SYTL4: variants seen among roughly 807,000 people sequenced by gnomAD.
The protein encoded by SYTL4 is synaptotagmin-like protein 4.
A neutral mutation model predicts 52.7 loss-of-function variants in SYTL4; 16 were observed. The observed-to-expected ratio is 0.30, with a 90% CI of 0.21 to 0.46. The LOEUF is 0.46. SYTL4 is among the 20% of genes least tolerant of loss of function. SYTL4 has a pLI of 1.00. For missense variants in SYTL4, 423 were observed against 519.9 expected (o/e 0.81, Z 1.81); for synonymous variants, 160 against 186.6 (o/e 0.86, Z 1.16).
At chrX:100,695,129 A>G (rs761989107) in intron 8 of SYTL4, among the ~76,000 whole-genome samples, 1 of 107,731 alleles carries the variant, frequency 9.3e-6, no homozygotes, top group South Asian at 4.2e-4. Flanking sequence ...AGATTAATAC[A>G]TACCAATCCA....
At chrX:100,706,041 C>G (rs986140152) in intron 2 of SYTL4, among the ~76,000 whole-genome samples, 2 of 110,910 alleles carry the variant, frequency 1.8e-5, no homozygotes, top group African/African-American at 6.6e-5. Flanking sequence ...CCACTCTCAC[C>G]AGTACCTTCC....
intron 8 of SYTL4, among the ~76,000 whole-genome samples, chrX:100,692,144 C>T (rs1291960477): frequency 9.0e-6 from 1 of 111,635 alleles, no homozygotes; most frequent in Non-Finnish European, 1.9e-5. Context: ...ATGTCAATTC[C>T]TCCAGATCTC....
At chrX:100,683,581 G>A (rs1027139011) in intron 16 of SYTL4, among the ~76,000 whole-genome samples, 12 of 111,579 alleles carry the variant, frequency 1.1e-4, no homozygotes, top group African/African-American at 2.6e-4. Context: ...TCGGGAGGTA[G>A]ATGCAGGCAA....
chrX:100,713,856 CA>C (rs201890670), intron 2 of SYTL4, among the ~76,000 whole-genome samples: 13,721 of 98,599 alleles, frequency 0.14, 1,812 homozygotes, highest in African/African-American at 0.41. Flanking sequence ...ATAAGTCAGG[CA>C]AAAAAAAAAC....
At position 100,676,100 on chromosome X, in the gene SYTL4, C is replaced by T. The variant is rs768580707; in HGVS notation, c.1944G>A (p.Gln648=). The T allele has an allele frequency of 8.3e-6, 10 of 1,211,054 alleles. No individual in the cohort carries two copies. Among genetic ancestry groups the T allele is most frequent in the Non-Finnish European group, 1.1e-5 (10 of 895,285 alleles). The change falls in exon 20 of 20, where the codon CAG becomes CAA. Residue 648 remains glutamine (Q), a synonymous_variant. Coordinates refer to ENST00000372989, the MANE Select transcript of SYTL4 (RefSeq NM_001370165.1). The part of the protein sequence containing the change: ...EEVSLWQKMR[Q]YPGSWAEGTL... ...TCCCTTCTGCCCAAGACCCTGGGTA[C>T]TGTCGCATCTTCTGCCACAGGCTCA...
chrX:100,693,603 C>A (rs2083646653), intron 8 of SYTL4, among the ~76,000 whole-genome samples: 1 of 111,996 alleles, frequency 8.9e-6, no homozygotes, highest in Admixed American at 9.5e-5. Flanking sequence ...TTGGCTTTGA[C>A]TTTCCCTCAA....
Position 100,686,005 on chromosome X carries a change from G to A in SYTL4, c.1434C>T (p.Leu478=). The A allele has an allele frequency of 8.3e-7, 1 of 1,200,542 alleles. No homozygotes were observed. Among genetic ancestry groups the A allele is most frequent in the South Asian group, 1.8e-5 (1 of 54,767 alleles). Residue 478 remains leucine, a synonymous_variant, in exon 16 of 20, where the codon CTC becomes CTT. Coordinates refer to ENST00000372989, the MANE Select transcript of SYTL4 (RefSeq NM_001370165.1). ...AGCAGACTACCTTTCCATGTAAAGG[G>A]AGGCAATGATCCAGTTTCTTATCAA... is the stretch of plus-strand genomic sequence containing the variant. ...WKLDKKLDHC[L]PLHGKISAES...
chrX:100,687,058 A>C lies in SYTL4; in HGVS notation c.1184+9T>G. Reference sequence around the variant, plus strand: ...CTCAGAGCATCAGTCAGGTTCCAGAAGCACTCACGGGTTAGAGCGCTTCTT... The same window carrying C: ...CTCAGAGCATCAGTCAGGTTCCAGACGCACTCACGGGTTAGAGCGCTTCTT... On this transcript the variant is annotated intron_variant, in intron 14 of 19. Coordinates refer to ENST00000372989, the MANE Select transcript of SYTL4 (RefSeq NM_001370165.1). 27 of 1,208,184 alleles carry C rather than the reference A, an allele frequency of 2.2e-5. No homozygotes were observed. Among genetic ancestry groups the C allele is most frequent in the Non-Finnish European group, 3.0e-5 (27 of 893,663 alleles).
At chrX:100,693,495 C>T (rs1236156652) in intron 8 of SYTL4, among the ~76,000 whole-genome samples, 2 of 112,294 alleles carry the variant, frequency 1.8e-5, no homozygotes, top group Non-Finnish European at 3.8e-5. Context: ...GACTCTGATA[C>T]GTTCTCACTG....
In SYTL4 at chrX:100,715,945, CAAAAA is replaced by C. The variant is rs769194042; in HGVS notation, c.-239-11064_-239-11060del. ...AGAATAAGACCTTTTCTCTCTCTCTCAAAAAAAAAAAAAAAAAAAAAAGTGGACTC... is the reference window on the plus strand; with the variant it reads ...AGAATAAGACCTTTTCTCTCTCTCTCAAAAAAAAAAAAAAAAAGTGGACTC... On this transcript the variant is annotated intron_variant, in intron 2 of 19. Coordinates refer to ENST00000372989, the MANE Select transcript of SYTL4 (RefSeq NM_001370165.1). Among the ~76,000 whole-genome samples, 254 of 53,579 alleles carry C rather than the reference CAAAAA, an allele frequency of 4.7e-3. 1 individual carries two copies. Among genetic ancestry groups the C allele is most frequent in the African/African-American group, 0.014 (244 of 17,668 alleles). 46.5% of individuals were successfully genotyped at this position (53,579 alleles called of 115,157 possible).
At chrX:100,712,613 A>T (rs2084097405) in intron 2 of SYTL4, among the ~76,000 whole-genome samples, 1 of 112,810 alleles carries the variant, frequency 8.9e-6, no homozygotes, top group African/African-American at 3.2e-5. Flanking sequence ...AACGTGATCC[A>T]GAACTTGATA....
intron 2 of SYTL4, among the ~76,000 whole-genome samples, chrX:100,721,687 C>T (rs1360568476): frequency 1.8e-5 from 2 of 111,634 alleles, no homozygotes; most frequent in Non-Finnish European, 3.8e-5. Context: ...CAACTAGCCC[C>T]ATTCCTGTTC....
chrX:100,707,449 A>G (rs1338026424), intron 2 of SYTL4, among the ~76,000 whole-genome samples: 1 of 111,604 alleles, frequency 9.0e-6, no homozygotes, highest in Admixed American at 9.6e-5. Context: ...CACTACCATC[A>G]CTACTCCCCA....
chrX:100,686,964 C>T, intron 14 of SYTL4, 103 bp downstream of exon 14: 1 of 988,429 alleles, frequency 1.0e-6, no homozygotes, highest in Non-Finnish European at 1.4e-6. Flanking sequence ...TTACACCTCC[C>T]TGCTCCCCCA....
chrX:100,721,915 C>T (rs1049549308), intron 2 of SYTL4, among the ~76,000 whole-genome samples: 6 of 110,588 alleles, frequency 5.4e-5, no homozygotes, highest in Non-Finnish European at 9.5e-5. Context: ...GATTCTCCTG[C>T]CTCAGCCTCC....
At chrX:100,699,482 C>CATTTTTTTTTTTTTTTTTT (rs1313181387) in intron 8 of SYTL4, among the ~76,000 whole-genome samples, 1 of 59,892 alleles carries the variant, frequency 1.7e-5, no homozygotes, top group African/African-American at 9.7e-5. Flanking sequence ...CAGCATTACT[C>CATTTTTTTTTTTTTTTTTT]TTTTTTTTTT....
At chrX:100,717,255 A>T (rs1158293594) in intron 2 of SYTL4, among the ~76,000 whole-genome samples, 2 of 42,707 alleles carry the variant, frequency 4.7e-5, no homozygotes, top group African/African-American at 8.0e-5. Flanking sequence ...AAATAATCCT[A>T]AAAAAAAAAC....
intron 18 of SYTL4, 46 bp downstream of exon 18, chrX:100,679,267 C>T (rs761010760): frequency 9.7e-7 from 1 of 1,032,861 alleles, no homozygotes; most frequent in East Asian, 3.0e-5. Context: ...TCTCTTAGCT[C>T]TCTTGTTCTG....
intron 8 of SYTL4, among the ~76,000 whole-genome samples, chrX:100,700,436 G>T (rs1335987595): frequency 1.8e-5 from 2 of 111,306 alleles, no homozygotes; most frequent in Non-Finnish European, 3.8e-5. Context: ...AATTAAATAG[G>T]ATGATTTTAA....
Sources: gnomAD v4.1 joint callset for allele counts (sites outside exome capture counted in the v4.1 genomes callset) on GRCh38, gnomAD v4.1.1 for gene constraint, MANE v1.5 for transcripts, NCBI Gene and HGNC (gene_info 2026-07-23, HGNC 2026-07-21) for gene names.